Variants in NTRK2 observed in about 807,000 individuals in gnomAD.
NTRK2 encodes the protein neurotrophic receptor tyrosine kinase 2.
NTRK2 carries 13 observed loss-of-function variants against 94.5 expected under a neutral mutation model. That is an observed-to-expected ratio of 0.14 (90% CI 0.09 to 0.22). The LOEUF is 0.22. Ranked by LOEUF, NTRK2 falls within the 10% of genes least tolerant of loss-of-function variation. The probability of loss-of-function intolerance (pLI) is 1.00; values close to 1 mark genes in which losing one functional copy is unlikely to be tolerated. For synonymous variants in NTRK2, 372 were observed against 407.4 expected (o/e 0.91, Z 1.05); for missense variants, 639 against 1,071.2 (o/e 0.60, Z 5.63).
chr9:84,709,095 A>G (rs965884264), intron 5 of NTRK2, among the ~76,000 whole-genome samples: 1 of 152,256 alleles, frequency 6.6e-6, no homozygotes, highest in Non-Finnish European at 1.5e-5. Flanking sequence ...AATCAAAATG[A>G]TATGGCACAG....
chr9:84,851,105 A>T (rs927763193), intron 12 of NTRK2, among the ~76,000 whole-genome samples: 2 of 152,196 alleles, frequency 1.3e-5, no homozygotes, highest in South Asian at 4.1e-4. Flanking sequence ...TGCCTGTTAG[A>T]TGCTCCTAGC....
intron 9 of NTRK2, among the ~76,000 whole-genome samples, chr9:84,736,888 G>A (rs955452362): frequency 1.3e-5 from 2 of 152,196 alleles, no homozygotes; most frequent in African/African-American, 2.4e-5. Flanking sequence ...AATTTCAGGC[G>A]CTGAGTTCAG....
At chr9:84,843,074 T>G (rs1231286172) in intron 12 of NTRK2, among the ~76,000 whole-genome samples, 1 of 152,190 alleles carries the variant, frequency 6.6e-6, no homozygotes, top group Admixed American at 6.5e-5. Context: ...CCTGTAGGAA[T>G]GGGGGGTCAT....
chr9:84,944,215 T>TCTCTCACACACACACACACACA (rs1440338055), intron 15 of NTRK2, among the ~76,000 whole-genome samples: 1 of 120,316 alleles, frequency 8.3e-6, no homozygotes, highest in Non-Finnish European at 1.7e-5. Flanking sequence ...TCTCTCTCTC[T>TCTCTCACACACACACACACACA]CACACACACA....
At chr9:84,922,696 T>C (rs907962891) in intron 14 of NTRK2, among the ~76,000 whole-genome samples, 3 of 152,180 alleles carry the variant, frequency 2.0e-5, no homozygotes, top group Admixed American at 6.5e-5. Context: ...GCATGCACAA[T>C]GCCTAAAACA....
chr9:84,841,280 G>T (rs533553383), intron 12 of NTRK2, among the ~76,000 whole-genome samples: 2 of 152,256 alleles, frequency 1.3e-5, no homozygotes, highest in South Asian at 2.1e-4. Flanking sequence ...AACACAGAGC[G>T]CTGAGCTGTC....
chr9:84,957,340 A>G (rs1824266386), intron 17 of NTRK2, among the ~76,000 whole-genome samples: 3 of 152,240 alleles, frequency 2.0e-5, no homozygotes, highest in South Asian at 2.1e-4. Context: ...AACTGGATGG[A>G]ACCTGGCATC....
Position 85,021,540 on chromosome 9 carries a change from C to A in NTRK2, c.*103C>A. The A allele has an allele frequency of 8.9e-7, 1 of 1,128,394 alleles. No individual in the cohort carries two copies. The highest frequency in any genetic ancestry group is 1.3e-6 in the Non-Finnish European group (1 of 741,860). The allele number at this position is 1,128,394 out of a possible 1,614,324, so 69.9% of individuals were successfully genotyped here. On this transcript the variant is annotated 3_prime_UTR_variant, in exon 19 of 19. Transcript: ENST00000277120. Reference sequence around the variant, plus strand: ...TGGAGGCCACCAAGCTGCTCTCCTTCACTCTGACAGTATTAACATCAAAGA... The same window carrying A: ...TGGAGGCCACCAAGCTGCTCTCCTTAACTCTGACAGTATTAACATCAAAGA...
chr9:84,713,990 T>C (rs186252859), intron 6 of NTRK2, among the ~76,000 whole-genome samples: 1 of 152,272 alleles, frequency 6.6e-6, no homozygotes, highest in Non-Finnish European at 1.5e-5. Context: ...CTCTATGTAT[T>C]CTTTCCATTT....
At position 85,021,609 on chromosome 9, in the gene NTRK2, A is replaced by G; in HGVS notation, c.*172A>G. ...GGAAGCAGTGTGTACTTCTTCATCC[A>G]TAGACACAGTATTGACTTCTTTTTG... On this transcript the variant is annotated 3_prime_UTR_variant, in exon 19 of 19. Transcript: ENST00000277120. The G allele has an allele frequency of 1.4e-6, 1 of 693,502 alleles. No homozygotes were observed. Among genetic ancestry groups the G allele is most frequent in the Admixed American group, 2.1e-5 (1 of 48,778 alleles). The allele number at this position is 693,502 out of a possible 1,614,324, so 43.0% of individuals were successfully genotyped here.
chr9:84,904,343 G>A (rs369203600), intron 14 of NTRK2, among the ~76,000 whole-genome samples: 13 of 152,212 alleles, frequency 8.5e-5, no homozygotes, highest in African/African-American at 3.1e-4. Context: ...TCACAGCAAG[G>A]CAACCATTTA....
At chr9:84,872,586 C>T in intron 14 of NTRK2, 1 of 1,062,366 alleles carries the variant, frequency 9.4e-7, no homozygotes, top group Non-Finnish European at 1.1e-6. Context: ...GTGGCAGAGG[C>T]ATGTAAAGTA....
chr9:84,901,853 G>A (rs951339913), intron 14 of NTRK2, among the ~76,000 whole-genome samples: 1 of 152,058 alleles, frequency 6.6e-6, no homozygotes, highest in Admixed American at 6.5e-5. Context: ...ACATTGAAGT[G>A]TAGATGCATG....
At chr9:84,943,517 A>G (rs2078485295) in intron 15 of NTRK2, among the ~76,000 whole-genome samples, 1 of 152,204 alleles carries the variant, frequency 6.6e-6, no homozygotes, top group Non-Finnish European at 1.5e-5. Flanking sequence ...TTCAGAAAAG[A>G]TGGCAGCTTT....
intron 12 of NTRK2, among the ~76,000 whole-genome samples, chr9:84,776,080 C>T (rs1023445367): frequency 6.6e-6 from 1 of 151,982 alleles, no homozygotes; most frequent in Non-Finnish European, 1.5e-5. Flanking sequence ...AAGAGAGTAT[C>T]TATAAAGCAT....
chr9:84,847,806 G>C (rs1209448990), intron 12 of NTRK2, among the ~76,000 whole-genome samples: 1 of 152,184 alleles, frequency 6.6e-6, no homozygotes, highest in African/African-American at 2.4e-5. Context: ...ATCATTACCA[G>C]TTGAGGAGGA....
At chr9:84,902,162 T>C (rs1229199811) in intron 14 of NTRK2, among the ~76,000 whole-genome samples, 1 of 150,968 alleles carries the variant, frequency 6.6e-6, no homozygotes, top group Admixed American at 6.6e-5. Context: ...TGCTACTGCA[T>C]TCCAGCCTGG....
rs148990783 is a variant in NTRK2 at position 85,020,360 on chromosome 9, A to C, written c.2327A>C (p.Asn776Thr). 8 of 1,613,954 alleles carry C rather than the reference A, an allele frequency of 5.0e-6. No homozygotes were observed. In the African/African-American group the frequency reaches 8.0e-5, roughly 16 times the overall value. ...GKQPWYQLSN[N>T]EVIECITQGR... ...CAGCCCTGGTACCAGCTGTCAAACA[A>C]TGAGGTGTGCAATGGGTCTGGCCAA... The change falls in exon 18 of 19, where the codon AAT becomes ACT. Residue 776 changes from asparagine to threonine, a missense_variant. By Grantham distance (65) the Asn-to-Thr change is moderately conservative. Around this residue, in one of 5 missense-constraint regions of NTRK2, gnomAD observed 77 missense variants for 203.6 expected, o/e 0.38. Transcript: ENST00000277120.
chr9:84,738,995 T>G (rs916077841), intron 9 of NTRK2, among the ~76,000 whole-genome samples: 1 of 152,210 alleles, frequency 6.6e-6, no homozygotes, highest in African/African-American at 2.4e-5. Flanking sequence ...TGCGCTGATA[T>G]GGGTCATAAG....
Sources: gnomAD v4.1 joint callset for allele counts (sites outside exome capture counted in the v4.1 genomes callset) on GRCh38, gnomAD v4.1.1 for gene constraint, gnomAD v4.1.1 regional missense constraint, MANE v1.5 for transcripts, NCBI Gene and HGNC (gene_info 2026-07-23, HGNC 2026-07-21) for gene names.